The following METTL25 variants were observed in gnomAD, a reference collection of about 807,000 sequenced individuals.
METTL25 encodes probable methyltransferase-like protein 25.
Under a neutral mutation model 71.6 loss-of-function variants are expected in METTL25, and 64 were observed. That is an observed-to-expected ratio of 0.89 (90% CI 0.73 to 1.10). The LOEUF (loss-of-function observed/expected upper bound fraction) is 1.10. Among genes scored for constraint, METTL25 ranks in the 50% least tolerant of loss-of-function variants. The pLI is 0.00. For missense variants in METTL25, 807 were observed against 707.0 expected (o/e 1.14, Z -1.60); for synonymous variants, 287 against 250.3 (o/e 1.15, Z -1.38).
At chr12:82,422,213 T>C (rs1019922195) in intron 5 of METTL25, among the ~76,000 whole-genome samples, 3 of 152,196 alleles carry the variant, frequency 2.0e-5, no homozygotes, top group Non-Finnish European at 4.4e-5. Context: ...TCAAGTGGGC[T>C]TCATCCCTGG....
At chr12:82,420,370 A>G (rs1236711628) in intron 5 of METTL25, among the ~76,000 whole-genome samples, 1 of 152,154 alleles carries the variant, frequency 6.6e-6, no homozygotes. Flanking sequence ...AGAAAAAAAC[A>G]GGGAGGAGAC....
intron 1 of METTL25, among the ~76,000 whole-genome samples, chr12:82,371,471 C>T (rs1883223948): frequency 6.6e-6 from 1 of 152,120 alleles, no homozygotes; most frequent in South Asian, 2.1e-4. Flanking sequence ...GATAACAAGC[C>T]CTACCGGGTG....
chr12:82,376,517 G>C (rs1883871299), intron 1 of METTL25, among the ~76,000 whole-genome samples: 1 of 152,162 alleles, frequency 6.6e-6, no homozygotes, highest in African/African-American at 2.4e-5. Flanking sequence ...AATCATAACA[G>C]TATTTTTACA....
intron 8 of METTL25, among the ~76,000 whole-genome samples, chr12:82,446,611 CTTTTT>C (rs1033730185): frequency 7.4e-6 from 1 of 134,352 alleles, no homozygotes; most frequent in African/African-American, 2.7e-5. Context: ...TTTAAAATTT[CTTTTT>C]TTTTTTTTTT....
intron 7 of METTL25, among the ~76,000 whole-genome samples, chr12:82,436,378 T>C (rs1889917098): frequency 2.0e-5 from 3 of 151,522 alleles, no homozygotes. Context: ...ATGTATCACT[T>C]AAGGGAAATA....
Position 82,477,329 on chromosome 12 carries a change from C to T in METTL25, c.1696C>T (p.Arg566Ter), listed in dbSNP as rs1283456243. Residue 566 changes from arginine to a stop codon, truncating the protein, a stop_gained, in exon 11 of 12, where the codon CGA (arginine) becomes TGA (stop). Coordinates refer to ENST00000248306, the MANE Select transcript of METTL25 (RefSeq NM_032230.3). LOFTEE classifies it high-confidence loss of function. ...PCIETLILLD[R>*]LCYLKEQEDI... ...TATAGAGACTTTGATTCTTCTGGAT[C>T]GACTTTGTTACCTGAAAGAGCAGGT... 5.1e-6 allele frequency: 8 copies of T among 1,559,626 alleles called. No homozygotes were observed. The highest frequency in any genetic ancestry group is 2.7e-5 in the African/African-American group (2 of 72,734).
chr12:82,412,953 A>T (rs886620918), intron 5 of METTL25, among the ~76,000 whole-genome samples: 3 of 152,036 alleles, frequency 2.0e-5, no homozygotes, highest in Non-Finnish European at 4.4e-5. Context: ...ATTTTAACAT[A>T]AAATTTTAAA....
At position 82,365,763 on chromosome 12, in the gene METTL25, T is replaced by A. The variant is rs370919289; in HGVS notation, c.259+6939T>A. Among the ~76,000 whole-genome samples, 16 of 143,918 alleles carry A rather than the reference T, an allele frequency of 1.1e-4. No individual in the cohort carries two copies. The East Asian group carries it at 2.3e-3, about 21-fold the overall frequency. The allele number at this position is 143,918 out of a possible 152,430, so 94.4% of individuals were successfully genotyped here. A position where few individuals can be genotyped will look rare whatever the true frequency, so the allele number is the denominator to read the frequency against. ...AACAACAGAAGCAACTTAAGCAGCT[T>A]ACTTAGCTTGCTGAAAATTTTAAGA... On this transcript the variant is annotated intron_variant, in intron 1 of 11. Transcript: ENST00000248306.
At chr12:82,426,526 G>A (rs1200129944) in intron 5 of METTL25, among the ~76,000 whole-genome samples, 1 of 151,930 alleles carries the variant, frequency 6.6e-6, no homozygotes, top group African/African-American at 2.4e-5. Context: ...TATTTAAGAG[G>A]GAGCTCTCTT....
chr12:82,413,734 T>G (rs762409385), intron 5 of METTL25, among the ~76,000 whole-genome samples: 2 of 152,058 alleles, frequency 1.3e-5, no homozygotes, highest in Non-Finnish European at 2.9e-5. Context: ...TTAACCTTAT[T>G]TGTATTTATC....
At chr12:82,476,775 C>T in intron 10 of METTL25, 57 bp downstream of exon 10, 1 of 1,137,340 alleles carries the variant, frequency 8.8e-7, no homozygotes, top group Non-Finnish European at 1.3e-6. Flanking sequence ...TGAATAGGGT[C>T]CTATTAAATT....
In METTL25 at chr12:82,434,729, G is replaced by A. The variant is rs375010775; in HGVS notation, c.1404+5G>A. ...CGGGTTGCAGCTGGCCAAGGGGTAA[G>A]TAAGAGTGTTAACTGATGAACACGA... On this transcript the variant is annotated splice_donor_5th_base_variant and intron_variant, in intron 7 of 11. Coordinates refer to ENST00000248306, the MANE Select transcript of METTL25 (RefSeq NM_032230.3). 6.2e-7 allele frequency: 1 copy of A among 1,608,962 alleles called. No individual in the cohort carries two copies. The highest frequency in any genetic ancestry group is 1.3e-5 in the African/African-American group (1 of 74,662).
chr12:82,371,520 A>G (rs1883230414), intron 1 of METTL25, among the ~76,000 whole-genome samples: 1 of 152,112 alleles, frequency 6.6e-6, no homozygotes, highest in South Asian at 2.1e-4. Flanking sequence ...TGAACCACCA[A>G]GGTTTGTCTG....
intron 5 of METTL25, among the ~76,000 whole-genome samples, chr12:82,416,327 A>G (rs558635506): frequency 6.6e-6 from 1 of 152,076 alleles, no homozygotes; most frequent in South Asian, 2.1e-4. Context: ...CTGCTTTTAA[A>G]TTGCCTTCTA....
chr12:82,467,223 C>T (rs953132969), intron 9 of METTL25, among the ~76,000 whole-genome samples: 3 of 151,602 alleles, frequency 2.0e-5, no homozygotes, highest in African/African-American at 7.3e-5. Flanking sequence ...TGAATACTTA[C>T]TTCTGGCATT....
At chr12:82,401,359 A>G (rs1200133604) in intron 4 of METTL25, among the ~76,000 whole-genome samples, 1 of 152,172 alleles carries the variant, frequency 6.6e-6, no homozygotes, top group Non-Finnish European at 1.5e-5. Context: ...AGTAAATTAC[A>G]ATGATAAAAA....
At chr12:82,389,207 C>T (rs1450538182) in intron 2 of METTL25, among the ~76,000 whole-genome samples, 1 of 152,080 alleles carries the variant, frequency 6.6e-6, no homozygotes, top group Non-Finnish European at 1.5e-5. Context: ...ATGTTCTGTG[C>T]TTGTGCTGCT....
chr12:82,432,560 A>G (rs1889597418), intron 6 of METTL25, among the ~76,000 whole-genome samples: 1 of 151,774 alleles, frequency 6.6e-6, no homozygotes, highest in Non-Finnish European at 1.5e-5. Flanking sequence ...ATCCATAAAA[A>G]AGAATTATTT....
chr12:82,374,227 GGACCCAAA>G (rs1309896782), intron 1 of METTL25: 1 of 152,636 alleles, frequency 6.6e-6, no homozygotes, highest in Non-Finnish European at 1.5e-5. Context: ...AAGGTGGTGT[GGACCCAAA>G]GAGTGAGCAA....
Sources: gnomAD v4.1 joint callset for allele counts (sites outside exome capture counted in the v4.1 genomes callset) on GRCh38, gnomAD v4.1.1 for gene constraint, MANE v1.5 for transcripts, NCBI Gene and HGNC (gene_info 2026-07-23, HGNC 2026-07-21) for gene names.